The following PRKN variants were observed in gnomAD, a reference collection of about 807,000 sequenced individuals.
The protein encoded by PRKN is E3 ubiquitin-protein ligase parkin.
A neutral mutation model predicts 59.5 loss-of-function variants in PRKN; 56 were observed. The ratio of observed to expected loss-of-function variants is 0.94; its 90% CI spans 0.76 to 1.18. The LOEUF (loss-of-function observed/expected upper bound fraction) is 1.18. Ranked by LOEUF, PRKN falls within the 50% of genes most tolerant of loss-of-function variation. The pLI, the probability that PRKN is intolerant of heterozygous loss-of-function variation, is 0.00. For synonymous variants in PRKN, 250 were observed against 222.1 expected (o/e 1.13, Z -1.12); for missense variants, 657 against 596.4 (o/e 1.10, Z -1.06).
At chr6:162,537,534 C>T (rs1442105002) in intron 1 of PRKN, among the ~76,000 whole-genome samples, 6 of 152,122 alleles carry the variant, frequency 3.9e-5, no homozygotes, top group Admixed American at 1.3e-4. Context: ...CCACAGTGCA[C>T]GTGTGATCGC....
chr6:162,676,477 A>C (rs760631763), intron 1 of PRKN, among the ~76,000 whole-genome samples: 9 of 152,192 alleles, frequency 5.9e-5, no homozygotes, highest in East Asian at 1.9e-4. Context: ...GCAGCAGCAG[A>C]AATGTCTGGC....
chr6:162,407,877 TTAC>T (rs746806559), intron 2 of PRKN, among the ~76,000 whole-genome samples: 29 of 152,074 alleles, frequency 1.9e-4, no homozygotes, highest in Non-Finnish European at 2.8e-4. Context: ...TTGGTTAAAC[TTAC>T]TACATTTTCT....
chr6:162,295,931 G>T (rs1452067342), intron 2 of PRKN, among the ~76,000 whole-genome samples: 1 of 152,066 alleles, frequency 6.6e-6, no homozygotes, highest in Non-Finnish European at 1.5e-5. Context: ...ATTGAGAGTG[G>T]ATACCCATGC....
At chr6:162,257,715 G>A (rs921648094) in intron 3 of PRKN, among the ~76,000 whole-genome samples, 1 of 152,112 alleles carries the variant, frequency 6.6e-6, no homozygotes, top group African/African-American at 2.4e-5. Context: ...AGCACTCACC[G>A]ACACCGCCTG....
At chr6:162,226,051 G>T (rs999792000) in intron 3 of PRKN, among the ~76,000 whole-genome samples, 4 of 144,892 alleles carry the variant, frequency 2.8e-5, no homozygotes, top group African/African-American at 1.0e-4. Context: ...TAGGGAGAAG[G>T]CATCAATAAG....
At chr6:161,818,573 A>G (rs758965403) in intron 6 of PRKN, among the ~76,000 whole-genome samples, 7 of 152,060 alleles carry the variant, frequency 4.6e-5, no homozygotes, top group South Asian at 2.1e-4. Flanking sequence ...GACTAAAGCG[A>G]TCCTCCTGCG....
At chr6:161,866,729 T>C (rs1463237729) in intron 6 of PRKN, among the ~76,000 whole-genome samples, 1 of 152,172 alleles carries the variant, frequency 6.6e-6, no homozygotes, top group African/African-American at 2.4e-5. Context: ...CCAAGTGCGA[T>C]ACGATAGACG....
chr6:162,010,980 TAATA>T (rs1427078208), intron 5 of PRKN, among the ~76,000 whole-genome samples: 3 of 23,550 alleles, frequency 1.3e-4, no homozygotes, highest in African/African-American at 2.2e-4. Flanking sequence ...ATAAAATATA[TAATA>T]TATATTTATA....
intron 2 of PRKN, among the ~76,000 whole-genome samples, chr6:162,420,624 G>C (rs1788912854): frequency 6.6e-6 from 1 of 152,144 alleles, no homozygotes; most frequent in Non-Finnish European, 1.5e-5. Flanking sequence ...CAAATGTTCT[G>C]AGGAGTAATA....
chr6:162,270,506 T>C (rs564307652), intron 2 of PRKN, among the ~76,000 whole-genome samples: 1 of 152,242 alleles, frequency 6.6e-6, no homozygotes, highest in East Asian at 1.9e-4. Context: ...CAATAACTTA[T>C]GGGAAAAAAA....
At chr6:162,081,988 C>G (rs1488953807) in intron 4 of PRKN, among the ~76,000 whole-genome samples, 5 of 152,132 alleles carry the variant, frequency 3.3e-5, no homozygotes, top group Non-Finnish European at 7.3e-5. Flanking sequence ...GCCAGCTGAA[C>G]AACTTTTCTT....
At chr6:162,614,932 A>C (rs752437783) in intron 1 of PRKN, among the ~76,000 whole-genome samples, 1 of 152,230 alleles carries the variant, frequency 6.6e-6, no homozygotes, top group Admixed American at 6.5e-5. Context: ...CTATGCATTG[A>C]GAATAGAACA....
At chr6:162,218,121 A>C (rs775425469) in intron 3 of PRKN, among the ~76,000 whole-genome samples, 2 of 152,214 alleles carry the variant, frequency 1.3e-5, no homozygotes, top group Non-Finnish European at 2.9e-5. Context: ...GAAGGACCAC[A>C]GTTCATAAAC....
In PRKN at chr6:161,926,101, T is replaced by C. The variant is rs781057309; in HGVS notation, c.734+47201A>G. Among the ~76,000 whole-genome samples the C allele has an allele frequency of 2.0e-5, 3 of 152,262 alleles. No homozygotes were observed. In the East Asian group the frequency reaches 5.8e-4, roughly 29 times the overall value. ...TTTAGGAACTTTTCAAAACGAACTG[T>C]TCTGTTTGAAAGTTACGGAGAGTCT... On this transcript the variant is annotated intron_variant, in intron 6 of 11. Transcript: ENST00000366898.
In PRKN at chr6:161,529,779, T is replaced by A. The variant is rs1779139297; in HGVS notation, c.1083+19075A>T. Among the ~76,000 whole-genome samples, 1 of 152,144 alleles carries A rather than the reference T, an allele frequency of 6.6e-6. No individual in the cohort carries two copies. Among genetic ancestry groups the A allele is most frequent in the Non-Finnish European group, 1.5e-5 (1 of 68,032 alleles). On this transcript the variant is annotated intron_variant, in intron 9 of 11. Coordinates refer to ENST00000366898, the MANE Select transcript of PRKN (RefSeq NM_004562.3). The surrounding 1 kb of genome is among the most constrained non-coding windows in gnomAD (Gnocchi z 4.4). ...TGATTTTTGTCTCTGGCTGGAAAATTTTTCATGGGTTACACATTCTTTCAT... is the reference window on the plus strand; with the variant it reads ...TGATTTTTGTCTCTGGCTGGAAAATATTTCATGGGTTACACATTCTTTCAT...
At chr6:162,573,874 G>C (rs192133415) in intron 1 of PRKN, among the ~76,000 whole-genome samples, 1 of 152,164 alleles carries the variant, frequency 6.6e-6, no homozygotes, top group African/African-American at 2.4e-5. Flanking sequence ...ATTAACAAGC[G>C]TGAGGCCTGT....
chr6:161,364,709 G>A (rs1223188652), intron 10 of PRKN, among the ~76,000 whole-genome samples: 1 of 151,934 alleles, frequency 6.6e-6, no homozygotes, highest in East Asian at 1.9e-4. Flanking sequence ...CACTTTGCGA[G>A]GCCAAGGCGG....
intron 2 of PRKN, among the ~76,000 whole-genome samples, chr6:162,278,038 T>TTATCA (rs1040124590): frequency 6.6e-6 from 1 of 152,138 alleles, no homozygotes; most frequent in African/African-American, 2.4e-5. Flanking sequence ...CTTCATCAGG[T>TTATCA]GAATGGATAA....
chr6:162,612,921 A>C (rs966686496), intron 1 of PRKN, among the ~76,000 whole-genome samples: 2 of 152,090 alleles, frequency 1.3e-5, no homozygotes, highest in African/African-American at 4.8e-5. Context: ...GTCTCTTCCC[A>C]CCAACCTATA....
Sources: gnomAD v4.1 joint callset for allele counts (sites outside exome capture counted in the v4.1 genomes callset) on GRCh38, gnomAD v4.1.1 for gene constraint, Gnocchi (gnomAD v3.1) non-coding constraint, MANE v1.5 for transcripts, NCBI Gene and HGNC (gene_info 2026-07-23, HGNC 2026-07-21) for gene names.